MTBP: variants seen among roughly 807,000 people sequenced by gnomAD.
The protein encoded by MTBP is MDM2 binding protein.
Under a neutral mutation model 117.0 loss-of-function variants are expected in MTBP, and 101 were observed. The ratio of observed to expected loss-of-function variants is 0.86; its 90% CI spans 0.73 to 1.02. The LOEUF is 1.02. Among genes scored for constraint, MTBP ranks in the 50% least tolerant of loss-of-function variants. MTBP has a pLI of 0.00. For missense variants in MTBP, 970 were observed against 1,030.9 expected, an observed-to-expected ratio of 0.94 and a Z score of 0.81; for synonymous variants, 350 against 351.5, an observed-to-expected ratio of 1.00 and a Z score of 0.05.
intron 17 of MTBP, among the ~76,000 whole-genome samples, chr8:120,511,484 C>T (rs1005238626): frequency 3.3e-5 from 5 of 152,090 alleles, no homozygotes; most frequent in Admixed American, 2.6e-4. Flanking sequence ...TTAGTAGAGA[C>T]AGGGTTTAGC....
At chr8:120,469,384 C>T (rs141992626) in intron 10 of MTBP, among the ~76,000 whole-genome samples, 13 of 152,226 alleles carry the variant, frequency 8.5e-5, no homozygotes, top group African/African-American at 2.9e-4. Context: ...GCCAAATGAC[C>T]ATAGAATGGT....
rs376226503 is a variant in MTBP at position 120,457,922 on chromosome 8, C to G, written c.747+1252C>G. Among the ~76,000 whole-genome samples the G allele has an allele frequency of 1.4e-3, 197 of 142,852 alleles. 3 individuals are homozygous for G. Among genetic ancestry groups the G allele is most frequent in the African/African-American group, 4.7e-3 (185 of 39,028 alleles). The allele number at this position is 142,852 out of a possible 152,430, so 93.7% of individuals were successfully genotyped here. ...GATCGCGCCACTGCACTCCAGCCTGCGTGACAGAGTGAGACTCCGTCTCAA... is the reference window on the plus strand; with the variant it reads ...GATCGCGCCACTGCACTCCAGCCTGGGTGACAGAGTGAGACTCCGTCTCAA... On this transcript the variant is annotated intron_variant, in intron 7 of 21. Coordinates refer to ENST00000305949, the MANE Select transcript of MTBP (RefSeq NM_022045.5).
intron 16 of MTBP, among the ~76,000 whole-genome samples, 167 bp from the exon 17 acceptor site, chr8:120,509,767 C>A (rs1332710215): frequency 6.6e-6 from 1 of 152,152 alleles, no homozygotes; most frequent in African/African-American, 2.4e-5. Context: ...CAAGGCCTAA[C>A]CTTGCTTCAT....
Position 120,516,161 on chromosome 8 carries a change from A to G in MTBP, c.2216A>G (p.Lys739Arg). 6.2e-7 allele frequency: 1 copy of G among 1,612,158 alleles called. No individual in the cohort carries two copies. Among genetic ancestry groups the G allele is most frequent in the South Asian group, 1.1e-5 (1 of 90,994 alleles). ...GTATCCCGATTGAAACGGAGATCTA[A>G]AGATCTGAATTGCCTTTATCCCAGA... ...TEVSRLKRRS[K>R]DLNCLYPRKR... The change falls in exon 18 of 22, where the codon AAA becomes AGA. Residue 739 changes from lysine (K) to arginine (R), a missense_variant. Physicochemically the swap from Lys to Arg is conservative, Grantham distance 26. Transcript: ENST00000305949.
intron 2 of MTBP, 65 bp downstream of exon 2, chr8:120,446,578 T>G: frequency 9.8e-7 from 1 of 1,019,376 alleles, no homozygotes. Context: ...CTTAATTAAT[T>G]TGGACCCTAA....
chr8:120,497,424 A>G lies in MTBP; in HGVS notation c.1479A>G (p.Thr493=), dbSNP rs1282068136. 2.7e-5 allele frequency: 44 copies of G among 1,605,848 alleles called. No homozygotes were observed. The East Asian group carries it at 8.7e-4, about 32-fold the overall frequency. Residue 493 remains threonine (T), a synonymous_variant, in exon 14 of 22, where the codon ACA becomes ACG. Coordinates refer to ENST00000305949, the MANE Select transcript of MTBP (RefSeq NM_022045.5). ...GAAAGTTGGCAAAGCAGCCTGAAAC[A>G]GTTTCTGTTGCTGAACTCAAAAGTC... ...KRRKLAKQPE[T]VSVAELKSLL...
At chr8:120,489,044 CTT>C (rs71306887) in intron 12 of MTBP, among the ~76,000 whole-genome samples, 9 of 128,064 alleles carry the variant, frequency 7.0e-5, no homozygotes, top group Non-Finnish European at 1.0e-4. Context: ...AGACTGACTT[CTT>C]TTTTTTTTTT....
In MTBP at chr8:120,509,955, A is replaced by G. The variant is rs867304049; in HGVS notation, c.1905A>G (p.Thr635=). 1.2e-6 allele frequency: 2 copies of G among 1,611,554 alleles called. No homozygotes were observed. Among genetic ancestry groups the G allele is most frequent in the Middle Eastern group, 3.3e-4 (2 of 6,020 alleles). The change falls in exon 17 of 22, where the codon ACA becomes ACG. Residue 635 remains threonine, a synonymous_variant. Transcript: ENST00000305949. ...TCAGGGAAAAGACTTTTGTTTTGAC[A>G]CCAGAACTTAGTCCTGGGAAACTTC... The part of the protein sequence containing the change: ...IQKGEKTFVL[T]PELSPGKLQV...
chr8:120,518,574 C>A, intron 19 of MTBP, 130 bp from the exon 20 acceptor site: 1 of 555,338 alleles, frequency 1.8e-6, no homozygotes. Flanking sequence ...ATCATTTTGT[C>A]TTAATGAACC....
chr8:120,498,142 C>T (rs1814507421), intron 14 of MTBP, among the ~76,000 whole-genome samples: 2 of 152,252 alleles, frequency 1.3e-5, no homozygotes, highest in South Asian at 4.1e-4. Context: ...TTGTTACTTG[C>T]TAACCAAATG....
intron 12 of MTBP, among the ~76,000 whole-genome samples, chr8:120,488,992 A>C (rs936944322): frequency 3.3e-5 from 5 of 149,290 alleles, no homozygotes; most frequent in African/African-American, 9.8e-5. Flanking sequence ...CGCTTTCCTC[A>C]CAGCTAGCTT....
intron 11 of MTBP, among the ~76,000 whole-genome samples, chr8:120,479,940 GAGT>G (rs1814038139): frequency 6.6e-6 from 1 of 152,082 alleles, no homozygotes; most frequent in African/African-American, 2.4e-5. Flanking sequence ...TAATCTAAAT[GAGT>G]AGAAGGAAAG....
chr8:120,511,266 T>C (rs1227815375), intron 17 of MTBP, among the ~76,000 whole-genome samples: 1 of 152,176 alleles, frequency 6.6e-6, no homozygotes, highest in Non-Finnish European at 1.5e-5. Flanking sequence ...TTTTTAGCCA[T>C]ATACCCTTCT....
rs768798448 is a variant in MTBP, at chr8:120,518,684, T to C, written c.2497-20T>C. The stretch of plus-strand genomic sequence containing the variant: ...TGCCTTTTCCAAGAAATATTCGTCA[T>C]ATGTTATGTTCTGTTCAAGATACTG... On this transcript the variant is annotated intron_variant, in intron 19 of 21. Coordinates refer to ENST00000305949, the MANE Select transcript of MTBP (RefSeq NM_022045.5). 2.7e-6 allele frequency: 4 copies of C among 1,489,044 alleles called. No homozygotes were observed. In the South Asian group the frequency reaches 4.8e-5, roughly 18 times the overall value. 92.2% of individuals were successfully genotyped at this position (1,489,044 alleles called of 1,614,324 possible).
At chr8:120,500,495 G>A (rs1023505727) in intron 14 of MTBP, among the ~76,000 whole-genome samples, 35 of 152,146 alleles carry the variant, frequency 2.3e-4, no homozygotes, top group Admixed American at 5.2e-4. Context: ...GTGCAGAAAT[G>A]CAAGTGATTT....
In MTBP at chr8:120,456,496, A is replaced by G. The variant is rs371694989; in HGVS notation, c.630-57A>G. 50 of 1,101,758 alleles carry G rather than the reference A, an allele frequency of 4.5e-5. No individual in the cohort carries two copies. In the South Asian group the frequency reaches 5.1e-4, roughly 11 times the overall value. 68.2% of individuals were successfully genotyped at this position (1,101,758 alleles called of 1,614,324 possible). On this transcript the variant is annotated intron_variant, in intron 6 of 21. Transcript: ENST00000305949. ...CTTAGGCTTGTAGTTAACTATAATGATTAAATCAGTGAAATATAAAACCCT... is the reference window on the plus strand; with the variant it reads ...CTTAGGCTTGTAGTTAACTATAATGGTTAAATCAGTGAAATATAAAACCCT...
At chr8:120,502,911 T>C (rs1814614980) in intron 15 of MTBP, among the ~76,000 whole-genome samples, 1 of 152,130 alleles carries the variant, frequency 6.6e-6, no homozygotes, top group Non-Finnish European at 1.5e-5. Context: ...TATAAGAAAA[T>C]CTTACTACAA....
chr8:120,523,436 T>G lies in MTBP; in HGVS notation c.*100T>G. On this transcript the variant is annotated 3_prime_UTR_variant, in exon 22 of 22. Transcript: ENST00000305949. ...AATTATAAACAAATTTTAAGCTTTA[T>G]TCAAAGAATAGATGTTATATTTCTA... The G allele has an allele frequency of 1.5e-6, 1 of 680,250 alleles. No individual in the cohort carries two copies. Among genetic ancestry groups the G allele is most frequent in the Non-Finnish European group, 2.4e-6 (1 of 412,112 alleles). 42.1% of individuals were successfully genotyped at this position (680,250 alleles called of 1,614,324 possible).
At chr8:120,491,030 T>A (rs1156292497) in intron 13 of MTBP, among the ~76,000 whole-genome samples, 1 of 152,146 alleles carries the variant, frequency 6.6e-6, no homozygotes, top group Non-Finnish European at 1.5e-5. Flanking sequence ...TAAGAACATT[T>A]CATGTACTAA....
Sources: allele counts gnomAD v4.1 joint callset (sites outside exome capture counted in the v4.1 genomes callset), GRCh38; gene constraint gnomAD v4.1.1; transcripts MANE v1.5; gene names NCBI Gene and HGNC (gene_info 2026-07-23, HGNC 2026-07-21).